The following ABCF3 variants were observed in gnomAD, a reference collection of about 807,000 sequenced individuals.
ABCF3 encodes ATP binding cassette subfamily F member 3.
ABCF3 carries 62 observed loss-of-function variants against 94.3 expected under a neutral mutation model. The observed-to-expected ratio is 0.66, with a 90% CI of 0.54 to 0.81. The LOEUF (loss-of-function observed/expected upper bound fraction) is 0.81. ABCF3 is among the 40% of genes least tolerant of loss of function. The pLI is 0.00. For synonymous variants in ABCF3, 355 were observed against 361.1 expected, an observed-to-expected ratio of 0.98 and a Z score of 0.19; for missense variants, 843 against 925.3, an observed-to-expected ratio of 0.91 and a Z score of 1.15.
Position 184,186,583 on chromosome 3 carries a change from G to A in ABCF3, c.150G>A (p.Glu50=), listed in dbSNP as rs775715328. The A allele has an allele frequency of 8.1e-6, 13 of 1,613,980 alleles. No homozygotes were observed. Among genetic ancestry groups the A allele is most frequent in the African/African-American group, 1.3e-5 (1 of 74,918 alleles). ...LVEAVGELLQ[E]VSGDSKDDAG... ...AAGCTGTAGGGGAACTATTGCAAGA[G>A]GTGTCCGGGGACAGCAAGGATGACG... The change falls in exon 2 of 21, where the codon GAG becomes GAA. Residue 50 remains glutamate (E), a synonymous_variant. Coordinates refer to ENST00000429586, the MANE Select transcript of ABCF3 (RefSeq NM_018358.3).
In ABCF3 at chr3:184,191,023, G is replaced by A. The variant is rs752145935; in HGVS notation, c.1416G>A (p.Lys472=). Reference sequence around the variant, plus strand: ...GGCCTGAGCTGAAGCCTGTGGACAAGGAATCAGAGGTCGTAATGAAGTAAG... The same window carrying A: ...GGCCTGAGCTGAAGCCTGTGGACAAAGAATCAGAGGTCGTAATGAAGTAAG... ...EKLPELKPVD[K]ESEVVMKFPD... The change falls in exon 15 of 21, where the codon AAG becomes AAA. Residue 472 remains lysine (K), a synonymous_variant. Coordinates refer to ENST00000429586, the MANE Select transcript of ABCF3 (RefSeq NM_018358.3). 1 of 1,614,202 alleles carries A rather than the reference G, an allele frequency of 6.2e-7. No homozygotes were observed. Among genetic ancestry groups the A allele is most frequent in the Admixed American group, 1.7e-5 (1 of 60,020 alleles).
intron 1 of ABCF3, 80 bp downstream of exon 1, chr3:184,186,360 C>G: frequency 6.3e-7 from 1 of 1,598,526 alleles, no homozygotes; most frequent in South Asian, 1.1e-5. Flanking sequence ...GTGCCCGGGA[C>G]TGTTGCCAGG....
rs1160045918 is a variant in ABCF3 at position 184,187,724 on chromosome 3, C to T, written c.409C>T (p.Arg137Cys). 7 of 1,614,170 alleles carry T rather than the reference C, an allele frequency of 4.3e-6. No homozygotes were observed. The highest frequency in any genetic ancestry group is 2.2e-5 in the East Asian group (1 of 44,886). Residue 137 changes from arginine (R) to cysteine (C), a missense_variant, in exon 5 of 21, where the codon CGC becomes TGC. Arg to Cys is a radical substitution (Grantham distance 180, BLOSUM62 -3). Coordinates refer to ENST00000429586, the MANE Select transcript of ABCF3 (RefSeq NM_018358.3). Reference sequence around the variant, plus strand: ...TCGACTTAAGGCAAAGCAGGAGAAGCGCTCAGAGAAGGACACGCTCAAGAC... The same window carrying T: ...TCGACTTAAGGCAAAGCAGGAGAAGTGCTCAGAGAAGGACACGCTCAAGAC... ...EARLKAKQEK[R>C]SEKDTLKTSN...
Position 184,186,755 on chromosome 3 carries a change from C to G in ABCF3, c.222-41C>G, listed in dbSNP as rs562646826. 80 of 1,602,884 alleles carry G rather than the reference C, an allele frequency of 5.0e-5. 2 individuals carry two copies. In the South Asian group the frequency reaches 8.9e-4, roughly 18 times the overall value. On this transcript the variant is annotated intron_variant, in intron 2 of 20. Coordinates refer to ENST00000429586, the MANE Select transcript of ABCF3 (RefSeq NM_018358.3). ...GATCTGATGGCCATAGAGCTTTTCC[C>G]TCAACTCCTAACTCTGCGCTTTCTA... is the stretch of plus-strand genomic sequence containing the variant.
Position 184,193,134 on chromosome 3 carries a change from G to A in ABCF3, c.1783G>A (p.Gly595Ser). ...RPEEEYRHQL[G>S]RYGISGELAM... ...TGAGGAGGAGTACCGTCACCAGCTG[G>A]GTCGGTATGGCATCTCCGGAGAACT... The change falls in exon 19 of 21, where the codon GGT becomes AGT. Residue 595 changes from glycine (G) to serine (S), a missense_variant. Coordinates refer to ENST00000429586, the MANE Select transcript of ABCF3 (RefSeq NM_018358.3). The surrounding 1 kb of genome is among the most constrained non-coding windows in gnomAD (Gnocchi z 5.2). The A allele has an allele frequency of 6.4e-7, 1 of 1,553,816 alleles. No homozygotes were observed. Among genetic ancestry groups the A allele is most frequent in the Non-Finnish European group, 8.7e-7 (1 of 1,151,598 alleles).
At chr3:184,192,545 A>ACATACC in intron 16 of ABCF3, 56 bp from the exon 17 acceptor site, 1 of 1,496,038 alleles carries the variant, frequency 6.7e-7, no homozygotes, top group Non-Finnish European at 9.1e-7. Flanking sequence ...ATGAATGAGA[A>ACATACC]CATACCGTAT....
intron 3 of ABCF3, 150 bp downstream of exon 3, chr3:184,187,025 C>T: frequency 1.2e-6 from 1 of 813,906 alleles, no homozygotes; most frequent in Non-Finnish European, 1.9e-6. Context: ...CAGAAGAGCC[C>T]ATGATGGGGG....
chr3:184,191,749 C>CTTTTTTTTTTTTTT lies in ABCF3; in HGVS notation c.1569+495_1569+508dup, dbSNP rs375009324. Among the ~76,000 whole-genome samples, 198 of 114,680 alleles carry CTTTTTTTTTTTTTT rather than the reference C, an allele frequency of 1.7e-3. 29 individuals are homozygous for CTTTTTTTTTTTTTT. The highest frequency in any genetic ancestry group is 4.2e-3 in the African/African-American group (115 of 27,290). 75.2% of individuals were successfully genotyped at this position (114,680 alleles called of 152,430 possible). On this transcript the variant is annotated intron_variant, in intron 16 of 20. Transcript: ENST00000429586. ...GCATTTTTCTGTAGAGTTAGAGTTC[C>CTTTTTTTTTTTTTT]TTTTTTTTTTTTTTCGGAGACAGAG...
Position 184,193,296 on chromosome 3 carries a change from T to A in ABCF3, c.1883+62T>A. On this transcript the variant is annotated intron_variant, in intron 19 of 20. Coordinates refer to ENST00000429586, the MANE Select transcript of ABCF3 (RefSeq NM_018358.3). The surrounding 1 kb of genome is among the most constrained non-coding windows in gnomAD (Gnocchi z 5.2). ...TTCCCCTTCTTGCCCAGTAGAAAAC[T>A]GTATCAGAAGGCTTTATTTTCTCTC... 1.2e-6 allele frequency: 2 copies of A among 1,610,590 alleles called. No individual in the cohort carries two copies. The highest frequency in any genetic ancestry group is 1.7e-6 in the Non-Finnish European group (2 of 1,178,090).
chr3:184,188,884 T>A, intron 8 of ABCF3, 43 bp downstream of exon 8: 1 of 1,614,152 alleles, frequency 6.2e-7, no homozygotes, highest in South Asian at 1.1e-5. Context: ...TCCTTTCCCT[T>A]CTGTGGACTG....
rs765601301 is a variant in ABCF3 at position 184,193,170 on chromosome 3, C to T, written c.1819C>T (p.Pro607Ser). The change falls in exon 19 of 21, where the codon CCT (proline) becomes TCT (serine). Residue 607 changes from proline (P) to serine (S), a missense_variant. Physicochemically the swap from Pro to Ser is moderately conservative, Grantham distance 74. Transcript: ENST00000429586. This position sits in a 1 kb window ranked among gnomAD's most constrained non-coding sequence, Gnocchi z 5.2. ...CATCTCCGGAGAACTGGCCATGCGT[C>T]CTCTTGCCAGCCTGTCTGGGGGCCA... is the stretch of plus-strand genomic sequence containing the variant. Reference protein sequence around the residue: ...YGISGELAMRPLASLSGGQKS... With the variant: ...YGISGELAMRSLASLSGGQKS... The T allele has an allele frequency of 6.4e-6, 10 of 1,569,208 alleles. No homozygotes were observed. The African/African-American group carries it at 6.8e-5, about 11-fold the overall frequency.
At chr3:184,192,948 A>G (rs1716121548) in intron 18 of ABCF3, 52 bp downstream of exon 18, 2 of 1,602,796 alleles carry the variant, frequency 1.2e-6, no homozygotes, top group African/African-American at 2.7e-5. Flanking sequence ...AAGAGGGCTG[A>G]GGCTGACCCC....
Position 184,188,238 on chromosome 3 carries a change from C to T in ABCF3, c.667C>T (p.Leu223=). The T allele has an allele frequency of 6.2e-7, 1 of 1,614,170 alleles. No homozygotes were observed. Among genetic ancestry groups the T allele is most frequent in the South Asian group, 1.1e-5 (1 of 91,092 alleles). ...GLGKTTLLKM[L]ATRSLRVPAH... ...GGGGAAGACAACGTTACTGAAGATG[C>T]TGGCCACCCGGAGTCTGCGGGTTCC... Residue 223 remains leucine (L), a synonymous_variant, in exon 7 of 21, where the codon CTG becomes TTG. Coordinates refer to ENST00000429586, the MANE Select transcript of ABCF3 (RefSeq NM_018358.3).
intron 14 of ABCF3, 154 bp downstream of exon 14, chr3:184,190,085 G>A (rs1715921075): frequency 1.3e-6 from 1 of 754,838 alleles, no homozygotes; most frequent in Non-Finnish European, 2.2e-6. Flanking sequence ...ATTCCACACT[G>A]TTCTTGGAGG....
In ABCF3 at chr3:184,192,809, C is replaced by A; in HGVS notation, c.1663C>A (p.Leu555Met). The A allele has an allele frequency of 1.2e-6, 2 of 1,614,080 alleles. No homozygotes were observed. The highest frequency in any genetic ancestry group is 1.7e-6 in the Non-Finnish European group (2 of 1,179,940). ...CACCTCGGCTTCTGCCTGCAGGAAT[C>A]TGAAGATTGGCTATTTCAGCCAGCA... ...VRGIRHAHRN[L>M]KIGYFSQHHV... is the part of the protein sequence containing the mutation. The change falls in exon 18 of 21, where the codon CTG (leucine) becomes ATG (methionine). Residue 555 changes from leucine to methionine, a missense_variant. Leu to Met is a conservative substitution (Grantham distance 15, BLOSUM62 2). Transcript: ENST00000429586.
Position 184,188,974 on chromosome 3 carries a change from G to A in ABCF3, c.963G>A (p.Gln321=), listed in dbSNP as rs1715833808. ...LAGLGFTPKM[Q]QQPTREFSGG... is the part of the protein sequence containing the mutation. The stretch of plus-strand genomic sequence containing the variant: ...GGCTTGGCTTTACCCCTAAAATGCA[G>A]CAGCAGCCCACCCGGTGAGTGACCC... The change falls in exon 9 of 21, where the codon CAG becomes CAA. Residue 321 remains glutamine, a synonymous_variant. Coordinates refer to ENST00000429586, the MANE Select transcript of ABCF3 (RefSeq NM_018358.3). 1.2e-6 allele frequency: 2 copies of A among 1,614,238 alleles called. No homozygotes were observed. The highest frequency in any genetic ancestry group is 1.7e-5 in the Admixed American group (1 of 60,032).
At chr3:184,186,421 T>C in intron 1 of ABCF3, 86 bp from the exon 2 acceptor site, 2 of 1,581,564 alleles carry the variant, frequency 1.3e-6, no homozygotes, top group Non-Finnish European at 1.7e-6. Flanking sequence ...GTCTGGAGCC[T>C]GGACTGGGGC....
chr3:184,186,348 T>G, intron 1 of ABCF3, 68 bp downstream of exon 1: 1 of 1,608,022 alleles, frequency 6.2e-7, no homozygotes, highest in Non-Finnish European at 8.5e-7. Flanking sequence ...TAAGCGAGCG[T>G]CGTGCCCGGG....
chr3:184,187,870 A>G lies in ABCF3; in HGVS notation c.456A>G (p.Glu152=). The G allele has an allele frequency of 6.2e-7, 1 of 1,614,166 alleles. No individual in the cohort carries two copies. ...TLKTSNPLVL[E]EASASQAGSR... is the part of the protein sequence containing the mutation. ...ATTTCTCCCTTTAAAGAGTCTTAGAAGAGGCATCAGCCAGCCAGGCAGGCA... is the reference window on the plus strand; with the variant it reads ...ATTTCTCCCTTTAAAGAGTCTTAGAGGAGGCATCAGCCAGCCAGGCAGGCA... The change falls in exon 6 of 21, where the codon GAA becomes GAG. Residue 152 remains glutamate (E), a synonymous_variant. Transcript: ENST00000429586.
Sources: gnomAD v4.1 joint callset for allele counts (sites outside exome capture counted in the v4.1 genomes callset) on GRCh38, gnomAD v4.1.1 for gene constraint, Gnocchi (gnomAD v3.1) non-coding constraint, MANE v1.5 for transcripts, NCBI Gene and HGNC (gene_info 2026-07-23, HGNC 2026-07-21) for gene names.